Variants in GALNT18 observed in about 807,000 individuals in gnomAD.
The protein encoded by GALNT18 is GalNAc-transferase 18.
A neutral mutation model predicts 69.5 loss-of-function variants in GALNT18; 44 were observed. That is an observed-to-expected ratio of 0.63 (90% CI 0.50 to 0.81). The LOEUF (loss-of-function observed/expected upper bound fraction) is 0.81, where lower values mean the gene tolerates loss of function less well. Ranked by LOEUF, GALNT18 falls within the 40% of genes least tolerant of loss-of-function variation. The pLI, the probability that GALNT18 is intolerant of heterozygous loss-of-function variation, is 0.00. For missense variants in GALNT18, 715 were observed against 810.0 expected, an observed-to-expected ratio of 0.88 and a Z score of 1.42; for synonymous variants, 364 against 318.2, an observed-to-expected ratio of 1.14 and a Z score of -1.53.
chr11:11,449,677 T>C (rs1369731486), intron 1 of GALNT18, among the ~76,000 whole-genome samples: 7 of 152,212 alleles, frequency 4.6e-5, no homozygotes, highest in Non-Finnish European at 1.5e-5. Context: ...AATCACTAAC[T>C]GTGAGAGCAG....
intron 10 of GALNT18, among the ~76,000 whole-genome samples, chr11:11,273,850 T>C (rs1452227494): frequency 6.6e-6 from 1 of 152,126 alleles, no homozygotes. Flanking sequence ...CAGGATGGAA[T>C]AATATTTAAC....
intron 10 of GALNT18, among the ~76,000 whole-genome samples, chr11:11,286,218 G>GT (rs1253756237): frequency 1.2e-4 from 19 of 152,172 alleles, no homozygotes; most frequent in African/African-American, 3.9e-4. Flanking sequence ...AGATCCTCCT[G>GT]TTTTTAAAAA....
chr11:11,438,067 G>C (rs962188862), intron 2 of GALNT18, among the ~76,000 whole-genome samples: 4 of 152,170 alleles, frequency 2.6e-5, no homozygotes, highest in African/African-American at 9.7e-5. Flanking sequence ...CCAGGGAGAG[G>C]GTCTGGCCCC....
At chr11:11,609,363 GC>G (rs1201904004) in intron 1 of GALNT18, among the ~76,000 whole-genome samples, 1 of 152,178 alleles carries the variant, frequency 6.6e-6, no homozygotes, top group Non-Finnish European at 1.5e-5. Flanking sequence ...TGCCACAGGG[GC>G]TTTGCACTGG....
At position 11,274,149 on chromosome 11, in the gene GALNT18, C is replaced by T. The variant is rs4357680; in HGVS notation, c.1678-2859G>A. Among the ~76,000 whole-genome samples, 24 of 152,266 alleles carry T rather than the reference C, an allele frequency of 1.6e-4. No individual in the cohort carries two copies. The East Asian group carries it at 3.7e-3, about 23-fold the overall frequency. ...GTGTACCGGGAGGAACAGTGCACTC[C>T]GGCTCAGATACTGTGCTTTTCCCAC... On this transcript the variant is annotated intron_variant, in intron 10 of 10. Transcript: ENST00000227756.
At position 11,337,236 on chromosome 11, in the gene GALNT18, G is replaced by C. The variant is rs1418569556; in HGVS notation, c.1278+3583C>G. On this transcript the variant is annotated intron_variant, in intron 7 of 10. Coordinates refer to ENST00000227756, the MANE Select transcript of GALNT18 (RefSeq NM_198516.3). This position sits in a 1 kb window ranked among gnomAD's most constrained non-coding sequence, Gnocchi z 4.9. ...AGGAGTCACTAACCAAGGGAGAGAGGGATTACTCACACTGCCAGCAAACTC... is the reference window on the plus strand; with the variant it reads ...AGGAGTCACTAACCAAGGGAGAGAGCGATTACTCACACTGCCAGCAAACTC... Among the ~76,000 whole-genome samples, 1 of 152,018 alleles carries C rather than the reference G, an allele frequency of 6.6e-6. No individual in the cohort carries two copies. The highest frequency in any genetic ancestry group is 1.5e-5 in the Non-Finnish European group (1 of 68,002).
At position 11,340,702 on chromosome 11, in the gene GALNT18, T is replaced by C. The variant is rs1170642120; in HGVS notation, c.1278+117A>G. 1.0e-5 allele frequency: 10 copies of C among 979,314 alleles called. No homozygotes were observed. Among genetic ancestry groups the C allele is most frequent in the Non-Finnish European group, 1.5e-5 (10 of 661,716 alleles). 60.7% of individuals were successfully genotyped at this position (979,314 alleles called of 1,614,324 possible). Reference sequence around the variant, plus strand: ...ATATGTTTTGGGGTTGAGAGTCCATTCTTGCATGGCAAACAGGACTCTGGC... The same window carrying C: ...ATATGTTTTGGGGTTGAGAGTCCATCCTTGCATGGCAAACAGGACTCTGGC... On this transcript the variant is annotated intron_variant, in intron 7 of 10. Coordinates refer to ENST00000227756, the MANE Select transcript of GALNT18 (RefSeq NM_198516.3). The surrounding 1 kb of genome is among the most constrained non-coding windows in gnomAD (Gnocchi z 4.2).
chr11:11,384,920 G>A (rs1425560858), intron 3 of GALNT18, among the ~76,000 whole-genome samples: 1 of 152,184 alleles, frequency 6.6e-6, no homozygotes. Flanking sequence ...GAGCATATTG[G>A]TCCATTTGTG....
chr11:11,339,887 G>T lies in GALNT18; in HGVS notation c.1278+932C>A, dbSNP rs575438091. Among the ~76,000 whole-genome samples, 2 of 152,168 alleles carry T rather than the reference G, an allele frequency of 1.3e-5. No homozygotes were observed. The highest frequency in any genetic ancestry group is 4.1e-4 in the South Asian group (2 of 4,820). Reference sequence around the variant, plus strand: ...GCTTGGTGTAGAGTTTAGGTAACAGGGCTTTCATATGATCACTTTGAGCGA... The same window carrying T: ...GCTTGGTGTAGAGTTTAGGTAACAGTGCTTTCATATGATCACTTTGAGCGA... On this transcript the variant is annotated intron_variant, in intron 7 of 10. Coordinates refer to ENST00000227756, the MANE Select transcript of GALNT18 (RefSeq NM_198516.3). This position sits in a 1 kb window ranked among gnomAD's most constrained non-coding sequence, Gnocchi z 5.2.
At chr11:11,589,586 G>GTT (rs79427005) in intron 1 of GALNT18, among the ~76,000 whole-genome samples, 1 of 148,848 alleles carries the variant, frequency 6.7e-6, no homozygotes, top group African/African-American at 2.5e-5. Flanking sequence ...AGTTTTAGGG[G>GTT]TTTTTTTTTT....
chr11:11,381,394 C>G (rs1853915192), intron 3 of GALNT18, among the ~76,000 whole-genome samples: 1 of 152,180 alleles, frequency 6.6e-6, no homozygotes, highest in South Asian at 2.1e-4. Flanking sequence ...AAAGGGATAC[C>G]TGTCCCCTTC....
chr11:11,495,461 A>C (rs1432808956), intron 1 of GALNT18, among the ~76,000 whole-genome samples: 1 of 152,202 alleles, frequency 6.6e-6, no homozygotes, highest in Non-Finnish European at 1.5e-5. Flanking sequence ...GGAACCTGCA[A>C]AAACAGGGTT....
chr11:11,493,267 CAAAAAAAAAA>C (rs142149447), intron 1 of GALNT18, among the ~76,000 whole-genome samples: 2 of 71,356 alleles, frequency 2.8e-5, no homozygotes, highest in Non-Finnish European at 5.3e-5. Context: ...TCCTTCATCT[CAAAAAAAAAA>C]AAAAAAAAAA....
intron 6 of GALNT18, among the ~76,000 whole-genome samples, chr11:11,359,372 C>T (rs915755845): frequency 6.2e-5 from 7 of 113,392 alleles, no homozygotes; most frequent in African/African-American, 2.3e-4. Flanking sequence ...GCCCTTTAAC[C>T]GTGGATACAT....
intron 10 of GALNT18, among the ~76,000 whole-genome samples, chr11:11,272,346 T>A (rs1316079389): frequency 3.3e-5 from 5 of 152,194 alleles, no homozygotes; most frequent in African/African-American, 1.2e-4. Context: ...GGCCACCAAC[T>A]TCTTTCTCTC....
chr11:11,286,317 G>A (rs774699221), intron 10 of GALNT18, among the ~76,000 whole-genome samples: 6 of 152,180 alleles, frequency 3.9e-5, no homozygotes, highest in Non-Finnish European at 5.9e-5. Flanking sequence ...TGAGGTGATC[G>A]GAAGAAGTGC....
At chr11:11,410,091 G>A (rs954772713) in intron 3 of GALNT18, among the ~76,000 whole-genome samples, 1 of 152,146 alleles carries the variant, frequency 6.6e-6, no homozygotes, top group Non-Finnish European at 1.5e-5. Context: ...CTCCCACAGG[G>A]GAGGATCAGA....
chr11:11,271,022 C>A lies in GALNT18; in HGVS notation c.*122G>T, dbSNP rs1426422617. On this transcript the variant is annotated 3_prime_UTR_variant, in exon 11 of 11. Transcript: ENST00000227756. ...TGAAAATTGAATAGGAAATAAAAAG[C>A]TCTTCTTGGGGGCCCACTAACCTGG... The A allele has an allele frequency of 4.8e-5, 36 of 746,696 alleles. No homozygotes were observed. The allele number at this position is 746,696 out of a possible 1,614,324, so 46.3% of individuals were successfully genotyped here. A position where few individuals can be genotyped will look rare whatever the true frequency, so the allele number is the denominator to read the frequency against.
At chr11:11,422,905 G>A (rs1301857615) in intron 3 of GALNT18, among the ~76,000 whole-genome samples, 1 of 152,204 alleles carries the variant, frequency 6.6e-6, no homozygotes, top group Non-Finnish European at 1.5e-5. Flanking sequence ...GCAATTATTT[G>A]TCATTCATCA....
Sources: allele counts gnomAD v4.1 joint callset (sites outside exome capture counted in the v4.1 genomes callset), GRCh38; gene constraint gnomAD v4.1.1; non-coding constraint Gnocchi (gnomAD v3.1); transcripts MANE v1.5; gene names NCBI Gene and HGNC (gene_info 2026-07-23, HGNC 2026-07-21).